Variants in MYO1E observed in about 807,000 individuals in gnomAD.
MYO1E encodes the protein myosin IE, also known as unconventional myosin-Ie.
Under a neutral mutation model 151.1 loss-of-function variants are expected in MYO1E, and 68 were observed. The ratio of observed to expected loss-of-function variants is 0.45; its 90% CI spans 0.37 to 0.55. The LOEUF is 0.55. Ranked by LOEUF, MYO1E falls within the 20% of genes least tolerant of loss-of-function variation. MYO1E has a pLI of 0.00. For missense variants in MYO1E, 1,363 were observed against 1,389.3 expected, an observed-to-expected ratio of 0.98 and a Z score of 0.30; for synonymous variants, 601 against 501.7, an observed-to-expected ratio of 1.20 and a Z score of -2.64.
chr15:59,182,287 A>G (rs1274477101), intron 18 of MYO1E, among the ~76,000 whole-genome samples: 1 of 152,068 alleles, frequency 6.6e-6, no homozygotes. Context: ...GTCTTGGTTC[A>G]CTGCAACCTG....
chr15:59,238,576 G>A (rs1258230066), intron 4 of MYO1E, among the ~76,000 whole-genome samples: 1 of 152,150 alleles, frequency 6.6e-6, no homozygotes, highest in African/African-American at 2.4e-5. Context: ...GGCTGGTATA[G>A]GAATGGTTTT....
chr15:59,365,749 G>C (rs1276432159), intron 1 of MYO1E, among the ~76,000 whole-genome samples: 1 of 152,202 alleles, frequency 6.6e-6, no homozygotes, highest in Admixed American at 6.5e-5. Context: ...AGACCCAAGA[G>C]AGTGTGCCTC....
intron 1 of MYO1E, among the ~76,000 whole-genome samples, chr15:59,303,505 G>A (rs2080495942): frequency 6.6e-6 from 1 of 151,682 alleles, no homozygotes; most frequent in Non-Finnish European, 1.5e-5. Flanking sequence ...CTCCAGCCTG[G>A]GTAATAAAGT....
intron 1 of MYO1E, among the ~76,000 whole-genome samples, chr15:59,366,864 T>C (rs2080916852): frequency 6.6e-6 from 1 of 152,278 alleles, no homozygotes; most frequent in South Asian, 2.1e-4. Flanking sequence ...CTTTGGCATT[T>C]AACCTTTAAC....
chr15:59,317,802 G>A (rs539562498), intron 1 of MYO1E, among the ~76,000 whole-genome samples: 2 of 152,316 alleles, frequency 1.3e-5, no homozygotes, highest in Admixed American at 6.5e-5. Flanking sequence ...GTGACAGAGC[G>A]AGGGCGTGAA....
chr15:59,204,184 T>G (rs1180875848), intron 15 of MYO1E, among the ~76,000 whole-genome samples: 2 of 152,150 alleles, frequency 1.3e-5, no homozygotes, highest in African/African-American at 4.8e-5. Flanking sequence ...ACAAATTGAT[T>G]ATGTATGTTT....
intron 4 of MYO1E, among the ~76,000 whole-genome samples, chr15:59,242,392 G>C (rs2140361418): frequency 6.6e-6 from 1 of 152,298 alleles, no homozygotes; most frequent in African/African-American, 2.4e-5. Flanking sequence ...ATAAGAGCCA[G>C]CTGGAAGGGG....
chr15:59,199,141 G>C (rs2079785797), intron 16 of MYO1E, among the ~76,000 whole-genome samples: 1 of 152,148 alleles, frequency 6.6e-6, no homozygotes, highest in Non-Finnish European at 1.5e-5. Context: ...TGTCGCCCAG[G>C]CTGGAGTTCA....
At chr15:59,225,280 T>C (rs1362702561) in intron 7 of MYO1E, among the ~76,000 whole-genome samples, 1 of 152,204 alleles carries the variant, frequency 6.6e-6, no homozygotes, top group East Asian at 1.9e-4. Flanking sequence ...ATCTACTTCC[T>C]TGCCATGACA....
chr15:59,356,898 T>C (rs1156495774), intron 1 of MYO1E, among the ~76,000 whole-genome samples: 3 of 86,484 alleles, frequency 3.5e-5, no homozygotes, highest in African/African-American at 7.7e-5. Flanking sequence ...TTTGTTTGTT[T>C]GTTTGTTTTT....
At chr15:59,170,159 TAAAACAAAACAAAACAAAAC>T (rs199974292) in intron 22 of MYO1E, among the ~76,000 whole-genome samples, 1 of 151,738 alleles carries the variant, frequency 6.6e-6, no homozygotes, top group South Asian at 2.1e-4. Context: ...AGACTCTGTC[TAAAACAAAACAAAACAAAAC>T]AAAACAAAAC....
intron 1 of MYO1E, chr15:59,349,003 G>C (rs1441679959): frequency 3.9e-5 from 6 of 152,164 alleles, no homozygotes; most frequent in African/African-American, 1.2e-4. Flanking sequence ...CATGAGGTAA[G>C]AACATTTCAA....
intron 1 of MYO1E, among the ~76,000 whole-genome samples, chr15:59,298,373 G>A (rs759598543): frequency 5.5e-4 from 84 of 152,312 alleles, no homozygotes; most frequent in Middle Eastern, 3.4e-3. Flanking sequence ...GAGGTTGCCC[G>A]ATAGCTGTGC....
At chr15:59,347,842 T>A (rs1244500866) in intron 1 of MYO1E, among the ~76,000 whole-genome samples, 1 of 151,976 alleles carries the variant, frequency 6.6e-6, no homozygotes, top group Non-Finnish European at 1.5e-5. Context: ...GAGCTAAAAT[T>A]TAAAAATACA....
intron 26 of MYO1E, 92 bp from the exon 27 acceptor site, chr15:59,138,459 G>T: frequency 1.5e-6 from 2 of 1,371,836 alleles, no homozygotes; most frequent in South Asian, 1.2e-5. Context: ...GCACTGGCCT[G>T]TTCAAGTTCA....
At chr15:59,156,032 G>A (rs142114202) in intron 25 of MYO1E, among the ~76,000 whole-genome samples, 1 of 152,242 alleles carries the variant, frequency 6.6e-6, no homozygotes, top group Admixed American at 6.5e-5. Flanking sequence ...ACCACGCCCA[G>A]CTAATCTTGA....
intron 1 of MYO1E, among the ~76,000 whole-genome samples, chr15:59,278,669 T>G (rs1194293958): frequency 1.3e-5 from 2 of 152,176 alleles, no homozygotes; most frequent in Non-Finnish European, 2.9e-5. Context: ...AGTATGTGTG[T>G]GCTGGACTTC....
chr15:59,172,170 A>G, intron 21 of MYO1E, 128 bp from the exon 22 acceptor site: 2 of 1,004,554 alleles, frequency 2.0e-6, no homozygotes, highest in Non-Finnish European at 3.0e-6. Context: ...CAGCCTGACC[A>G]ACATGGTGAA....
intron 1 of MYO1E, among the ~76,000 whole-genome samples, chr15:59,305,018 G>A (rs2080506298): frequency 6.6e-6 from 1 of 152,196 alleles, no homozygotes; most frequent in South Asian, 2.1e-4. Flanking sequence ...AAGACAACAT[G>A]GCCGAGCTGT....
Sources: allele counts gnomAD v4.1 joint callset (sites outside exome capture counted in the v4.1 genomes callset), GRCh38; gene constraint gnomAD v4.1.1; transcripts MANE v1.5; gene names NCBI Gene and HGNC (gene_info 2026-07-23, HGNC 2026-07-21).